The following CDH18 variants were observed in gnomAD, a reference collection of about 807,000 sequenced individuals.
CDH18 encodes cadherin 18.
CDH18 carries 31 observed loss-of-function variants against 67.9 expected under a neutral mutation model. That is an observed-to-expected ratio of 0.46 (90% CI 0.34 to 0.62). CDH18 has a LOEUF of 0.62. CDH18 is among the 20% of genes least tolerant of loss of function. The pLI is 0.01. For missense variants in CDH18, 890 were observed against 975.5 expected (o/e 0.91, Z 1.17); for synonymous variants, 362 against 347.2 (o/e 1.04, Z -0.48).
chr5:19,661,721 T>C (rs932171850), intron 5 of CDH18, among the ~76,000 whole-genome samples: 2 of 152,076 alleles, frequency 1.3e-5, no homozygotes, highest in Admixed American at 1.3e-4. Flanking sequence ...TAATGCCATA[T>C]TTTGGAGATG....
At chr5:19,602,640 A>T (rs1363194756) in intron 6 of CDH18, among the ~76,000 whole-genome samples, 1 of 152,110 alleles carries the variant, frequency 6.6e-6, no homozygotes, top group Non-Finnish European at 1.5e-5. Context: ...TGGTATAGCC[A>T]TTGTGGAGAA....
intron 1 of CDH18, among the ~76,000 whole-genome samples, chr5:20,488,958 C>G (rs1026444572): frequency 1.3e-5 from 2 of 151,834 alleles, no homozygotes; most frequent in Admixed American, 1.3e-4. Flanking sequence ...TCAACATTAC[C>G]TCTTTAGTGG....
intron 2 of CDH18, among the ~76,000 whole-genome samples, chr5:20,009,788 T>C (rs1737240059): frequency 6.6e-6 from 1 of 152,186 alleles, no homozygotes; most frequent in Non-Finnish European, 1.5e-5. Context: ...AACCCATTTA[T>C]AGATGAATAA....
Position 19,839,004 on chromosome 5 carries a change from G to C in CDH18, c.-18C>G. 2 of 1,592,244 alleles carry C rather than the reference G, an allele frequency of 1.3e-6. No homozygotes were observed. The highest frequency in any genetic ancestry group is 1.7e-6 in the Non-Finnish European group (2 of 1,160,496). On this transcript the variant is annotated 5_prime_UTR_variant, in exon 3 of 13. Coordinates refer to ENST00000382275, the MANE Select transcript of CDH18 (RefSeq NM_004934.5). ...ATTTTCATTGTAAGATAACTTTCCA[G>C]TTCACAGTTTTCCTTCCTTTCCTTG...
intron 4 of CDH18, among the ~76,000 whole-genome samples, chr5:19,735,422 A>C (rs1252534720): frequency 7.2e-6 from 1 of 139,026 alleles, no homozygotes; most frequent in Non-Finnish European, 1.5e-5. Context: ...TTTGAGACGG[A>C]GTCTCGCTCT....
At chr5:19,785,070 A>T (rs1775554559) in intron 3 of CDH18, among the ~76,000 whole-genome samples, 1 of 152,130 alleles carries the variant, frequency 6.6e-6, no homozygotes, top group Non-Finnish European at 1.5e-5. Flanking sequence ...ACCAAACTGT[A>T]ACCCAACCAC....
intron 1 of CDH18, chr5:20,575,404 T>C (rs955720910): frequency 6.6e-6 from 1 of 152,166 alleles, no homozygotes; most frequent in Admixed American, 6.6e-5. Flanking sequence ...AAAGCTATGA[T>C]GTATTTTGCT....
At chr5:20,177,670 C>T (rs1486634454) in intron 2 of CDH18, among the ~76,000 whole-genome samples, 1 of 151,956 alleles carries the variant, frequency 6.6e-6, no homozygotes, top group Non-Finnish European at 1.5e-5. Context: ...ATGGTTCGGC[C>T]ATGTCCCCAC....
chr5:19,844,064 T>C (rs1259360597), intron 2 of CDH18, among the ~76,000 whole-genome samples: 1 of 152,206 alleles, frequency 6.6e-6, no homozygotes, highest in Admixed American at 6.5e-5. Context: ...TGGGAGTGAC[T>C]TGCCTTGTCT....
chr5:20,450,909 A>G lies in CDH18; in HGVS notation c.-580+124553T>C, dbSNP rs113184518. Among the ~76,000 whole-genome samples, 1,360 of 152,304 alleles carry G rather than the reference A, an allele frequency of 8.9e-3. 18 individuals carry two copies. The highest frequency in any genetic ancestry group is 0.031 in the African/African-American group (1,290 of 41,574). ...AATGCCGAGCAAAGTCACGTCTTAC[A>G]TGGCAGCAGGCAAGAGAGCATGTGC... On this transcript the variant is annotated intron_variant, in intron 1 of 14. Transcript: ENST00000507958.
intron 2 of CDH18, among the ~76,000 whole-genome samples, chr5:20,203,065 T>A (rs761385794): frequency 2.6e-5 from 4 of 152,026 alleles, no homozygotes; most frequent in Admixed American, 1.3e-4. Context: ...AGAATTGGAC[T>A]TCTATGTCTT....
At chr5:19,917,824 A>G (rs1406304701) in intron 2 of CDH18, among the ~76,000 whole-genome samples, 1 of 152,178 alleles carries the variant, frequency 6.6e-6, no homozygotes, top group African/African-American at 2.4e-5. Context: ...GCATAACATA[A>G]TGTGGTCAAA....
At position 20,293,699 on chromosome 5, in the gene CDH18, T is replaced by C. The variant is rs1449812388; in HGVS notation, c.-579-38194A>G. ...AGCTTGAGATATTTATACACATGAA[T>C]AAAAATGGTAAAACAGTATTACTTT... On this transcript the variant is annotated intron_variant, in intron 1 of 14. Coordinates refer to the CDH18 transcript ENST00000507958. Among the ~76,000 whole-genome samples the C allele has an allele frequency of 2.0e-5, 3 of 152,324 alleles. No homozygotes were observed. The East Asian group carries it at 5.8e-4, about 29-fold the overall frequency.
chr5:20,103,601 C>A (rs998161410), intron 2 of CDH18, among the ~76,000 whole-genome samples: 3 of 146,040 alleles, frequency 2.1e-5, no homozygotes, highest in African/African-American at 7.5e-5. Flanking sequence ...GGAGTGGTGG[C>A]GGGTGCCTGT....
intron 1 of CDH18, among the ~76,000 whole-genome samples, chr5:20,422,304 A>G (rs1016794066): frequency 6.6e-6 from 1 of 151,104 alleles, no homozygotes; most frequent in African/African-American, 2.5e-5. Flanking sequence ...CTAAGGAATT[A>G]AAAATACATG....
At chr5:19,491,800 CA>C (rs112118148) in intron 11 of CDH18, among the ~76,000 whole-genome samples, 1,821 of 149,122 alleles carry the variant, frequency 0.012, 14 homozygotes, top group African/African-American at 0.021. Flanking sequence ...ATGAATGCTG[CA>C]AAAAAAAACA....
At chr5:20,305,030 A>C (rs1462885156) in intron 1 of CDH18, 25 of 1,610,568 alleles carry the variant, frequency 1.6e-5, no homozygotes, top group Non-Finnish European at 1.9e-5. Context: ...CCAGAGGAGG[A>C]GGGCTGCTGA....
At chr5:19,995,710 A>G (rs997284084) in intron 2 of CDH18, among the ~76,000 whole-genome samples, 19 of 152,162 alleles carry the variant, frequency 1.2e-4, no homozygotes, top group African/African-American at 4.3e-4. Flanking sequence ...GTAAGTGCTC[A>G]GTAAATGTGT....
At chr5:19,928,163 T>C (rs892736045) in intron 2 of CDH18, among the ~76,000 whole-genome samples, 7 of 152,186 alleles carry the variant, frequency 4.6e-5, no homozygotes, top group Non-Finnish European at 7.3e-5. Flanking sequence ...AGAGTCGCCC[T>C]GGCTTTCAAT....
Sources: allele counts gnomAD v4.1 joint callset (sites outside exome capture counted in the v4.1 genomes callset), GRCh38; gene constraint gnomAD v4.1.1; transcripts MANE v1.5; gene names NCBI Gene and HGNC (gene_info 2026-07-23, HGNC 2026-07-21).